The following KCNMA1 variants were observed in gnomAD, a reference collection of about 807,000 sequenced individuals.
The protein encoded by KCNMA1 is Calcium-activated potassium channel subunit alpha-1.
A neutral mutation model predicts 140.0 loss-of-function variants in KCNMA1; 29 were observed. The ratio of observed to expected loss-of-function variants is 0.21; its 90% CI spans 0.15 to 0.28. The LOEUF is 0.28. Ranked by LOEUF, KCNMA1 falls within the 10% of genes least tolerant of loss-of-function variation. The probability of loss-of-function intolerance (pLI) is 1.00; values close to 1 mark genes in which losing one functional copy is unlikely to be tolerated. For missense variants in KCNMA1, 880 were observed against 1,602.2 expected, an observed-to-expected ratio of 0.55 and a Z score of 7.70; for synonymous variants, 612 against 611.9, an observed-to-expected ratio of 1.00 and a Z score of 0.00.
intron 5 of KCNMA1, among the ~76,000 whole-genome samples, chr10:77,163,623 C>T (rs1483433145): frequency 6.6e-6 from 1 of 152,214 alleles, no homozygotes; most frequent in Non-Finnish European, 1.5e-5. Flanking sequence ...CAGAAAGAGG[C>T]TCATCAAGTA....
intron 12 of KCNMA1, among the ~76,000 whole-genome samples, chr10:77,084,433 T>G (rs1243799224): frequency 6.6e-6 from 1 of 152,160 alleles, no homozygotes; most frequent in Non-Finnish European, 1.5e-5. Context: ...AGGGTGAGCT[T>G]CCGGTTGGTG....
intron 19 of KCNMA1, chr10:76,995,668 G>A: frequency 2.1e-6 from 1 of 470,952 alleles, no homozygotes; most frequent in Non-Finnish European, 4.4e-6. Flanking sequence ...TCACTGCCTG[G>A]TGGTAGAAGC....
At chr10:77,457,770 C>T (rs1371628331) in intron 1 of KCNMA1, among the ~76,000 whole-genome samples, 1 of 151,994 alleles carries the variant, frequency 6.6e-6, no homozygotes, top group Non-Finnish European at 1.5e-5. Context: ...CCAATCTGAG[C>T]TGAATTAACA....
At chr10:77,324,928 G>T (rs950511707) in intron 2 of KCNMA1, among the ~76,000 whole-genome samples, 1 of 133,294 alleles carries the variant, frequency 7.5e-6, no homozygotes, top group African/African-American at 2.6e-5. Flanking sequence ...TGGACACTCA[G>T]TATAGCTCTA....
At chr10:77,029,057 T>C (rs947427652) in intron 15 of KCNMA1, among the ~76,000 whole-genome samples, 1 of 152,094 alleles carries the variant, frequency 6.6e-6, no homozygotes, top group Non-Finnish European at 1.5e-5. Flanking sequence ...TAATATCATA[T>C]AAAAAGACAT....
intron 26 of KCNMA1, among the ~76,000 whole-genome samples, chr10:76,890,209 C>T (rs987983385): frequency 6.6e-5 from 10 of 152,158 alleles, no homozygotes; most frequent in Admixed American, 5.9e-4. Flanking sequence ...GCCACCTTCC[C>T]GGGGTCTGGG....
chr10:77,462,677 C>A (rs1217067898), intron 1 of KCNMA1, among the ~76,000 whole-genome samples: 2 of 152,340 alleles, frequency 1.3e-5, no homozygotes, highest in East Asian at 3.9e-4. Context: ...GTGCCCTGGG[C>A]TCTCCCCCGG....
chr10:77,083,944 G>A (rs1167057073), intron 12 of KCNMA1, among the ~76,000 whole-genome samples: 1 of 152,102 alleles, frequency 6.6e-6, no homozygotes, highest in Non-Finnish European at 1.5e-5. Flanking sequence ...ATGCATATTA[G>A]TATTAAAAGC....
chr10:76,922,651 T>C (rs992721396), intron 23 of KCNMA1, among the ~76,000 whole-genome samples: 3 of 152,128 alleles, frequency 2.0e-5, no homozygotes, highest in South Asian at 2.1e-4. Context: ...TAGCCCACCA[T>C]GGGGTGAATG....
chr10:77,198,058 T>C (rs1310180108), intron 3 of KCNMA1, among the ~76,000 whole-genome samples: 1 of 152,174 alleles, frequency 6.6e-6, no homozygotes, highest in African/African-American at 2.4e-5. Flanking sequence ...ATTTTTATAA[T>C]GTATTTCACT....
chr10:77,136,762 AT>A (rs1564754448), intron 5 of KCNMA1, among the ~76,000 whole-genome samples: 1 of 152,140 alleles, frequency 6.6e-6, no homozygotes, highest in South Asian at 2.1e-4. Context: ...GAGTTTTTTA[AT>A]TTTTTTGTAA....
intron 2 of KCNMA1, among the ~76,000 whole-genome samples, chr10:77,364,992 C>T (rs535172890): frequency 2.3e-4 from 35 of 152,214 alleles, no homozygotes; most frequent in South Asian, 8.3e-4. Context: ...CCAATCCACT[C>T]GGGGAAAAAT....
At chr10:76,892,133 T>A (rs1464730407) in intron 25 of KCNMA1, among the ~76,000 whole-genome samples, 3 of 152,190 alleles carry the variant, frequency 2.0e-5, no homozygotes, top group East Asian at 3.9e-4. Context: ...TGAGGCCCTG[T>A]CATCCATGTG....
At chr10:77,525,529 G>A (rs2055262767) in intron 1 of KCNMA1, among the ~76,000 whole-genome samples, 1 of 152,236 alleles carries the variant, frequency 6.6e-6, no homozygotes, top group Non-Finnish European at 1.5e-5. Flanking sequence ...CCCAGGCTGT[G>A]TGGCATTGAC....
intron 2 of KCNMA1, among the ~76,000 whole-genome samples, chr10:77,317,718 G>A (rs1041027308): frequency 1.3e-5 from 2 of 152,228 alleles, no homozygotes; most frequent in South Asian, 2.1e-4. Context: ...TTGGCACAAG[G>A]CCGCTGTACA....
At chr10:77,000,768 A>G (rs917393603) in intron 19 of KCNMA1, among the ~76,000 whole-genome samples, 1 of 151,256 alleles carries the variant, frequency 6.6e-6, no homozygotes, top group African/African-American at 2.4e-5. Context: ...GTGCAGGCTG[A>G]CAGACATAGA....
intron 1 of KCNMA1, among the ~76,000 whole-genome samples, chr10:77,592,016 C>G (rs2079347220): frequency 6.6e-6 from 1 of 152,178 alleles, no homozygotes; most frequent in Admixed American, 6.5e-5. Flanking sequence ...GTTCGCCCAG[C>G]AAATATTGAC....
At chr10:77,611,947 C>G (rs2087076513) in intron 1 of KCNMA1, among the ~76,000 whole-genome samples, 1 of 152,134 alleles carries the variant, frequency 6.6e-6, no homozygotes, top group Non-Finnish European at 1.5e-5. Context: ...GATCAAGGTC[C>G]ACAAAACAGT....
At chr10:77,599,360 A>C (rs927147248) in intron 1 of KCNMA1, among the ~76,000 whole-genome samples, 1 of 152,116 alleles carries the variant, frequency 6.6e-6, no homozygotes. Flanking sequence ...ATACATTCGG[A>C]GTCTACGATT....
Sources: gnomAD v4.1 joint callset for allele counts (sites outside exome capture counted in the v4.1 genomes callset) on GRCh38, gnomAD v4.1.1 for gene constraint, MANE v1.5 for transcripts, NCBI Gene and HGNC (gene_info 2026-07-23, HGNC 2026-07-21) for gene names.